The following LOC128125817 variants were observed in gnomAD, a reference collection of about 807,000 sequenced individuals.
the LOC128125817 span, among the ~76,000 whole-genome samples, chr1:41,625,273 G>A: frequency 6.6e-6 from 1 of 150,606 alleles, no homozygotes; most frequent in Non-Finnish European, 1.5e-5. Context: ...GATAAAGCAA[G>A]CAATACAATG....
chr1:41,620,568 G>A, the LOC128125817 span, among the ~76,000 whole-genome samples: 2 of 151,962 alleles, frequency 1.3e-5, no homozygotes, highest in Admixed American at 1.3e-4. Flanking sequence ...TCTCTGCACT[G>A]CTCACCTTGA....
At chr1:41,619,016 C>T in the LOC128125817 span, among the ~76,000 whole-genome samples, 1 of 152,252 alleles carries the variant, frequency 6.6e-6, no homozygotes, top group Admixed American at 6.5e-5. Flanking sequence ...GCTGCCCCCG[C>T]CCCCTCCAGG....
chr1:41,596,529 C>A, the LOC128125817 span, among the ~76,000 whole-genome samples: 1 of 152,338 alleles, frequency 6.6e-6, no homozygotes, highest in South Asian at 2.1e-4. Context: ...CCTGCCTCCC[C>A]CTGGCCTGGG....
At chr1:41,592,068 C>T in the LOC128125817 span, among the ~76,000 whole-genome samples, 1 of 152,168 alleles carries the variant, frequency 6.6e-6, no homozygotes, top group African/African-American at 2.4e-5. Context: ...GAGTAGCACA[C>T]CTGGTGAGAG....
chr1:41,604,755 T>C, the LOC128125817 span, among the ~76,000 whole-genome samples: 39 of 152,300 alleles, frequency 2.6e-4, no homozygotes, highest in East Asian at 5.2e-3. Context: ...ACATACTATA[T>C]GATTCCACTT....
chr1:41,609,520 G>A, the LOC128125817 span, among the ~76,000 whole-genome samples: 1 of 151,990 alleles, frequency 6.6e-6, no homozygotes, highest in African/African-American at 2.4e-5. Flanking sequence ...CTGAGATTCA[G>A]CGAGCTATCT....
chr1:41,619,307 G>T, the LOC128125817 span, among the ~76,000 whole-genome samples: 1 of 152,178 alleles, frequency 6.6e-6, no homozygotes, highest in Admixed American at 6.5e-5. Context: ...TTGACAACCT[G>T]CCAGCCCCGT....
chr1:41,598,508 CT>C, the LOC128125817 span, among the ~76,000 whole-genome samples: 1 of 152,182 alleles, frequency 6.6e-6, no homozygotes, highest in Non-Finnish European at 1.5e-5. Flanking sequence ...TGGCGACTGC[CT>C]GTGGCTTCTG....
chr1:41,605,392 C>T, the LOC128125817 span, among the ~76,000 whole-genome samples: 1 of 151,842 alleles, frequency 6.6e-6, no homozygotes, highest in Non-Finnish European at 1.5e-5. Flanking sequence ...CACACACACA[C>T]ACACACACAC....
the LOC128125817 span, among the ~76,000 whole-genome samples, chr1:41,599,336 C>T: frequency 4.6e-5 from 7 of 152,056 alleles, no homozygotes; most frequent in South Asian, 2.1e-4. Flanking sequence ...AATATCTTCA[C>T]GGAACTTGGG....
At chr1:41,597,170 G>A in the LOC128125817 span, among the ~76,000 whole-genome samples, 2 of 152,070 alleles carry the variant, frequency 1.3e-5, no homozygotes. Context: ...CAGAAGCCTA[G>A]GCAATCCTAG....
At chr1:41,588,651 C>T in the LOC128125817 span, among the ~76,000 whole-genome samples, 11 of 152,092 alleles carry the variant, frequency 7.2e-5, no homozygotes, top group Non-Finnish European at 1.6e-4. Context: ...GGTGTTTCTC[C>T]AAGCAGAGGC....
the LOC128125817 span, among the ~76,000 whole-genome samples, chr1:41,587,726 T>C: frequency 6.6e-6 from 1 of 152,282 alleles, no homozygotes; most frequent in Non-Finnish European, 1.5e-5. Context: ...GCTAGAAAGG[T>C]GATATGATTT....
chr1:41,594,225 T>C, the LOC128125817 span, among the ~76,000 whole-genome samples: 780 of 152,246 alleles, frequency 5.1e-3, 4 homozygotes, highest in African/African-American at 0.018. Context: ...TTATAATTAT[T>C]TTATTATTAT....
At chr1:41,597,395 A>C in the LOC128125817 span, among the ~76,000 whole-genome samples, 1 of 152,196 alleles carries the variant, frequency 6.6e-6, no homozygotes, top group Non-Finnish European at 1.5e-5. Context: ...GGGCATAATA[A>C]TTCAGAGGAA....
the LOC128125817 span, among the ~76,000 whole-genome samples, chr1:41,613,014 C>T: frequency 6.6e-6 from 1 of 152,214 alleles, no homozygotes; most frequent in Non-Finnish European, 1.5e-5. Context: ...CAGGAAGCGC[C>T]CAAGGAAGCT....
chr1:41,586,679 T>G, the LOC128125817 span, among the ~76,000 whole-genome samples: 1 of 152,206 alleles, frequency 6.6e-6, no homozygotes, highest in Non-Finnish European at 1.5e-5. Flanking sequence ...GACGAACAAG[T>G]CTTTAAGACT....
the LOC128125817 span, among the ~76,000 whole-genome samples, chr1:41,587,586 C>T: frequency 2.0e-5 from 3 of 152,234 alleles, no homozygotes; most frequent in Non-Finnish European, 2.9e-5. Flanking sequence ...TAAGTGCCAA[C>T]TGTCTCTGGG....
chr1:41,595,630 G>A, the LOC128125817 span, among the ~76,000 whole-genome samples: 3 of 152,196 alleles, frequency 2.0e-5, no homozygotes, highest in Non-Finnish European at 4.4e-5. Context: ...TGGATTGAAG[G>A]ATGAAGAGGG....
Sources: allele counts gnomAD v4.1 joint callset (sites outside exome capture counted in the v4.1 genomes callset), GRCh38; gene constraint gnomAD v4.1.1; transcripts MANE v1.5.